ABCA5: variants seen among roughly 807,000 people sequenced by gnomAD.
The protein encoded by ABCA5 is cholesterol transporter ABCA5.
A neutral mutation model predicts 206.0 loss-of-function variants in ABCA5; 163 were observed. The observed-to-expected ratio is 0.79, with a 90% confidence interval of 0.70 to 0.90. The LOEUF is 0.90. Ranked by LOEUF, ABCA5 falls within the 40% of genes least tolerant of loss-of-function variation. The pLI, the probability that ABCA5 is intolerant of heterozygous loss-of-function variation, is 0.00. For synonymous variants in ABCA5, 609 were observed against 613.8 expected, an observed-to-expected ratio of 0.99 and a Z score of 0.11; for missense variants, 1,859 against 1,912.9, an observed-to-expected ratio of 0.97 and a Z score of 0.53.
At chr17:69,256,962 T>C (rs974008286) in intron 28 of ABCA5, among the ~76,000 whole-genome samples, 1 of 152,038 alleles carries the variant, frequency 6.6e-6, no homozygotes, top group African/African-American at 2.4e-5. Context: ...AGGGTTGACA[T>C]CAGAACCCAC....
intron 9 of ABCA5, among the ~76,000 whole-genome samples, chr17:69,300,154 G>C (rs1302066244): frequency 1.3e-5 from 2 of 152,322 alleles, no homozygotes; most frequent in South Asian, 2.1e-4. Flanking sequence ...TCTGCAACTA[G>C]GCGGTCCCAT....
At chr17:69,269,400 T>C (rs771259777) in intron 22 of ABCA5, among the ~76,000 whole-genome samples, 4 of 152,202 alleles carry the variant, frequency 2.6e-5, no homozygotes, top group Non-Finnish European at 4.4e-5. Flanking sequence ...TTCTGTACGT[T>C]TGAAATATTT....
chr17:69,277,983 T>C, intron 18 of ABCA5, 141 bp from the exon 19 acceptor site: 1 of 597,504 alleles, frequency 1.7e-6, no homozygotes, highest in South Asian at 3.1e-5. Context: ...GCAGTATCTA[T>C]TAAAGCTGAA....
Position 69,264,861 on chromosome 17 carries a change from A to G in ABCA5, c.3189T>C (p.Ser1063=). The G allele has an allele frequency of 6.4e-7, 1 of 1,570,702 alleles. No individual in the cohort carries two copies. Among genetic ancestry groups the G allele is most frequent in the Non-Finnish European group, 8.6e-7 (1 of 1,161,358 alleles). The change falls in exon 24 of 39, where the codon TCT becomes TCC. Residue 1063 remains serine, a synonymous_variant. Transcript: ENST00000392676. ...TQLKLSGLLP[S]AYWIGQAVVD... is the part of the protein sequence containing the mutation. ...CAACAGCTTGTCCAATCCAATATGC[A>G]GATGGCAAAAGACCTGAAAGTTTAA...
At chr17:69,297,164 C>T (rs999678793) in intron 10 of ABCA5, 27 bp downstream of exon 10, 23 of 1,596,350 alleles carry the variant, frequency 1.4e-5, no homozygotes, top group Non-Finnish European at 1.8e-5. Context: ...AGTTCTTATA[C>T]CTAAATTGCC....
At chr17:69,285,170 A>C (rs1182460915) in intron 17 of ABCA5, among the ~76,000 whole-genome samples, 1 of 152,248 alleles carries the variant, frequency 6.6e-6, no homozygotes, top group Non-Finnish European at 1.5e-5. Flanking sequence ...TAATAATTGC[A>C]AAAGGCACAG....
chr17:69,261,524 A>T, intron 25 of ABCA5, 111 bp downstream of exon 25: 2 of 632,212 alleles, frequency 3.2e-6, no homozygotes, highest in Non-Finnish European at 5.3e-6. Flanking sequence ...CCAATTACCT[A>T]TCTAAATTAT....
Position 69,270,726 on chromosome 17 carries a change from T to C in ABCA5, c.2917A>G (p.Asn973Asp), listed in dbSNP as rs1203307765. ...GGTAAAGAATAAACCATAGTACTGT[T>C]GAAAACAGCTGCAAAAACATAGTCC... Reference protein sequence around the residue: ...EKDYVFAAVFNSTMVYSLPIL... With the variant: ...EKDYVFAAVFDSTMVYSLPIL... Residue 973 changes from asparagine to aspartate, a missense_variant, in exon 22 of 39, where the codon AAC (asparagine) becomes GAC (aspartate). Physicochemically the swap from Asn to Asp is conservative, Grantham distance 23. Transcript: ENST00000392676. 1 of 1,560,378 alleles carries C rather than the reference T, an allele frequency of 6.4e-7. No homozygotes were observed. The highest frequency in any genetic ancestry group is 8.6e-7 in the Non-Finnish European group (1 of 1,159,588).
At chr17:69,311,592 C>T (rs1016901769) in intron 3 of ABCA5, among the ~76,000 whole-genome samples, 4 of 152,084 alleles carry the variant, frequency 2.6e-5, no homozygotes, top group Admixed American at 6.6e-5. Context: ...CGGGTTCAAG[C>T]AATTCTCCTG....
At position 69,253,654 on chromosome 17, in the gene ABCA5, A is replaced by C; in HGVS notation, c.4334T>G (p.Leu1445Arg). 1.2e-6 allele frequency: 2 copies of C among 1,613,628 alleles called. No individual in the cohort carries two copies. The highest frequency in any genetic ancestry group is 1.7e-6 in the Non-Finnish European group (2 of 1,179,662). Residue 1445 changes from leucine (L) to arginine (R), a missense_variant, in exon 34 of 39, where the codon CTA becomes CGA. Coordinates refer to ENST00000392676, the MANE Select transcript of ABCA5 (RefSeq NM_172232.4). ...AGIKRKLCFA[L>R]SMLGNPQITL... is the part of the protein sequence containing the mutation. ...AATCTGAGGATTCCCTAGCATACTT[A>C]GAGCAAAACACAACTACATGGAAAG...
In ABCA5 at chr17:69,305,805, A is replaced by C. The variant is rs923222786; in HGVS notation, c.788+920T>G. The stretch of plus-strand genomic sequence containing the variant: ...AGAATCTCTTGAGCCTGGGAGTTTG[A>C]GGCCACAGTGACCCATGATCATGCC... On this transcript the variant is annotated intron_variant, in intron 6 of 38. Transcript: ENST00000392676. 2.0e-5 allele frequency among the ~76,000 whole-genome samples: 3 copies of C among 152,302 alleles called. No individual in the cohort carries two copies. In the East Asian group the frequency reaches 5.8e-4, roughly 29 times the overall value.
At chr17:69,263,495 T>A (rs1232564001) in intron 24 of ABCA5, among the ~76,000 whole-genome samples, 1 of 152,040 alleles carries the variant, frequency 6.6e-6, no homozygotes, top group Non-Finnish European at 1.5e-5. Flanking sequence ...AGTCCTTTCC[T>A]ATTGCTTATT....
chr17:69,264,155 T>A (rs1267772323), intron 24 of ABCA5, among the ~76,000 whole-genome samples: 1 of 152,138 alleles, frequency 6.6e-6, no homozygotes, highest in Non-Finnish European at 1.5e-5. Context: ...ATATATTGAG[T>A]CTTCTAATCC....
intron 19 of ABCA5, among the ~76,000 whole-genome samples, chr17:69,276,212 A>G (rs995970712): frequency 1.2e-4 from 18 of 152,028 alleles, no homozygotes; most frequent in African/African-American, 4.3e-4. Flanking sequence ...TCAGCCTCTC[A>G]AGTAGCTGAG....
intron 5 of ABCA5, 148 bp downstream of exon 5, chr17:69,308,132 C>CTTT (rs34802429): frequency 3.9e-6 from 1 of 256,314 alleles, no homozygotes. Flanking sequence ...GAAAATATGA[C>CTTT]TTTTTTATCT....
intron 5 of ABCA5, 37 bp downstream of exon 5, chr17:69,308,243 G>T: frequency 7.7e-7 from 1 of 1,302,468 alleles, no homozygotes; most frequent in Non-Finnish European, 1.1e-6. Context: ...ATTTTAAAAT[G>T]GCATAGTTTT....
intron 9 of ABCA5, among the ~76,000 whole-genome samples, chr17:69,297,920 C>G (rs190376674): frequency 6.6e-6 from 1 of 152,294 alleles, no homozygotes; most frequent in East Asian, 1.9e-4. Context: ...CATGGTGGCT[C>G]TCACCTATAA....
chr17:69,286,648 A>G (rs2075456948), intron 15 of ABCA5, among the ~76,000 whole-genome samples: 1 of 152,154 alleles, frequency 6.6e-6, no homozygotes, highest in Admixed American at 6.6e-5. Context: ...CACTTTCACA[A>G]TTTCCTTTAT....
chr17:69,309,287 T>C lies in ABCA5; in HGVS notation c.444A>G (p.Val148=). 1.9e-6 allele frequency: 3 copies of C among 1,590,120 alleles called. No individual in the cohort carries two copies. The highest frequency in any genetic ancestry group is 2.6e-6 in the Non-Finnish European group (3 of 1,173,184). ...ELRFFPDMIP[V]SSIYMDSRAG... ...CTCTTGAATCCATATAAATAGAAGA[T>C]ACTGGAATCATATCAGGAAAAAAAC... The change falls in exon 4 of 39, where the codon GTA becomes GTG. Residue 148 remains valine (V), a synonymous_variant. Transcript: ENST00000392676.
Sources: gnomAD v4.1 joint callset for allele counts (sites outside exome capture counted in the v4.1 genomes callset) on GRCh38, gnomAD v4.1.1 for gene constraint, MANE v1.5 for transcripts, NCBI Gene and HGNC (gene_info 2026-07-23, HGNC 2026-07-21) for gene names.